Variants in LRRC69 observed in about 807,000 individuals in gnomAD.
LRRC69 encodes leucine rich repeat containing 69.
Under a neutral mutation model 37.8 loss-of-function variants are expected in LRRC69, and 42 were observed. That is an observed-to-expected ratio of 1.11 (90% confidence interval 0.87 to 1.44). The LOEUF is 1.44. LRRC69 is among the 40% of genes most tolerant of loss of function. LRRC69 has a pLI of 0.00. For missense variants in LRRC69, 357 were observed against 401.9 expected, an observed-to-expected ratio of 0.89 and a Z score of 0.96; for synonymous variants, 141 against 143.1, an observed-to-expected ratio of 0.99 and a Z score of 0.11.
intron 1 of LRRC69, among the ~76,000 whole-genome samples, chr8:91,106,567 A>G (rs1012203684): frequency 5.3e-5 from 8 of 152,088 alleles, no homozygotes; most frequent in Non-Finnish European, 8.8e-5. Flanking sequence ...AATAAAATTT[A>G]TGGTTCAGGA....
intron 3 of LRRC69, among the ~76,000 whole-genome samples, chr8:91,132,568 C>T (rs1403170673): frequency 1.3e-5 from 2 of 152,004 alleles, no homozygotes; most frequent in Non-Finnish European, 2.9e-5. Context: ...ACCTTTTTCT[C>T]CTTAGCCAAT....
intron 5 of LRRC69, chr8:91,158,280 A>T: frequency 6.6e-7 from 1 of 1,526,094 alleles, no homozygotes; most frequent in Non-Finnish European, 9.1e-7. Context: ...TGTCGAAGAC[A>T]TTACTTGAAA....
At chr8:91,194,842 C>T (rs1809567584) in intron 6 of LRRC69, among the ~76,000 whole-genome samples, 2 of 151,940 alleles carry the variant, frequency 1.3e-5, no homozygotes, top group Admixed American at 1.3e-4. Context: ...TCTGTATTTC[C>T]TTCAGTTCTG....
intron 5 of LRRC69, among the ~76,000 whole-genome samples, chr8:91,169,792 C>T (rs1452632348): frequency 5.8e-5 from 8 of 137,708 alleles, no homozygotes; most frequent in Admixed American, 1.5e-4. Flanking sequence ...TTTGTTCTTG[C>T]GATAGTTTAC....
At chr8:91,164,728 T>G (rs926223890) in intron 5 of LRRC69, among the ~76,000 whole-genome samples, 1 of 151,722 alleles carries the variant, frequency 6.6e-6, no homozygotes, top group African/African-American at 2.4e-5. Flanking sequence ...TTACAGATGA[T>G]AAAACTGAGG....
chr8:91,116,288 C>A (rs1189042440), intron 1 of LRRC69, among the ~76,000 whole-genome samples: 1 of 151,924 alleles, frequency 6.6e-6, no homozygotes, highest in Non-Finnish European at 1.5e-5. Context: ...ATCCTTAAGA[C>A]AACCCTAAGA....
intron 5 of LRRC69, among the ~76,000 whole-genome samples, chr8:91,185,705 G>A (rs1047432079): frequency 2.6e-5 from 4 of 152,148 alleles, no homozygotes; most frequent in African/African-American, 9.7e-5. Context: ...ATCCTTTAGA[G>A]TTACTAATTA....
intron 5 of LRRC69, among the ~76,000 whole-genome samples, chr8:91,146,503 C>G (rs1214618266): frequency 6.8e-6 from 1 of 147,928 alleles, no homozygotes; most frequent in African/African-American, 2.5e-5. Context: ...CTTGTACAGA[C>G]TGTTTAAGCA....
At chr8:91,171,389 A>G (rs1188179664) in intron 5 of LRRC69, among the ~76,000 whole-genome samples, 1 of 151,944 alleles carries the variant, frequency 6.6e-6, no homozygotes, top group East Asian at 1.9e-4. Flanking sequence ...CCTCCCCCAT[A>G]AACCGATTTT....
At chr8:91,122,719 C>T (rs1156791130) in intron 1 of LRRC69, among the ~76,000 whole-genome samples, 1 of 152,006 alleles carries the variant, frequency 6.6e-6, no homozygotes. Flanking sequence ...GCTGTCAGTA[C>T]TGCTAGACTG....
chr8:91,103,884 C>A (rs1813262964), intron 1 of LRRC69, among the ~76,000 whole-genome samples: 1 of 151,788 alleles, frequency 6.6e-6, no homozygotes. Flanking sequence ...TGAACCTATT[C>A]TCTCCCTCTA....
chr8:91,189,631 C>T lies in LRRC69; in HGVS notation c.753+8C>T, dbSNP rs1440975384. The T allele has an allele frequency of 2.7e-6, 4 of 1,506,870 alleles. No individual in the cohort carries two copies. The East Asian group carries it at 7.4e-5, about 28-fold the overall frequency. The allele number at this position is 1,506,870 out of a possible 1,614,324, so 93.3% of individuals were successfully genotyped here. On this transcript the variant is annotated splice_region_variant and intron_variant, in intron 6 of 7. Transcript: ENST00000448384. Reference sequence around the variant, plus strand: ...AACGTCTGGAGTCTACAGGTGAAGACTTACCTCATTAACTTAAGTCTTCAA... The same window carrying T: ...AACGTCTGGAGTCTACAGGTGAAGATTTACCTCATTAACTTAAGTCTTCAA...
chr8:91,167,320 G>T (rs377446766), intron 5 of LRRC69, among the ~76,000 whole-genome samples: 125 of 151,824 alleles, frequency 8.2e-4, no homozygotes, highest in African/African-American at 2.9e-3. Context: ...GAGAACTTGT[G>T]CAGGGGTACT....
At chr8:91,162,202 C>T (rs75758586) in intron 5 of LRRC69, among the ~76,000 whole-genome samples, 2 of 151,358 alleles carry the variant, frequency 1.3e-5, no homozygotes, top group African/African-American at 4.8e-5. Flanking sequence ...GTTCCATGTG[C>T]TGGAAAGAAG....
chr8:91,198,269 A>G (rs1809653022), intron 6 of LRRC69, among the ~76,000 whole-genome samples: 1 of 152,196 alleles, frequency 6.6e-6, no homozygotes, highest in Admixed American at 6.5e-5. Context: ...ACTCTTTGTG[A>G]TAGTATTGGA....
chr8:91,189,656 A>C (rs548000912), intron 6 of LRRC69, 33 bp downstream of exon 6: 11 of 1,339,824 alleles, frequency 8.2e-6, no homozygotes, highest in African/African-American at 3.0e-5. Flanking sequence ...TAAGTCTTCA[A>C]ACTAAAGCCA....
At chr8:91,155,024 G>T (rs1047862809) in intron 5 of LRRC69, among the ~76,000 whole-genome samples, 1 of 151,628 alleles carries the variant, frequency 6.6e-6, no homozygotes, top group Non-Finnish European at 1.5e-5. Flanking sequence ...CTTCAGCAAA[G>T]TCTCAGGATA....
intron 5 of LRRC69, among the ~76,000 whole-genome samples, chr8:91,143,971 G>A (rs961840810): frequency 6.6e-6 from 1 of 151,800 alleles, no homozygotes; most frequent in Non-Finnish European, 1.5e-5. Flanking sequence ...TTTAAGTTGG[G>A]GATATTAATA....
At chr8:91,142,792 C>T (rs554114292) in intron 5 of LRRC69, among the ~76,000 whole-genome samples, 20 of 152,154 alleles carry the variant, frequency 1.3e-4, no homozygotes, top group Admixed American at 1.0e-3. Flanking sequence ...ACTCCTTCTG[C>T]CTCTGAGGAA....
Sources: gnomAD v4.1 joint callset for allele counts (sites outside exome capture counted in the v4.1 genomes callset) on GRCh38, gnomAD v4.1.1 for gene constraint, MANE v1.5 for transcripts, NCBI Gene and HGNC (gene_info 2026-07-23, HGNC 2026-07-21) for gene names.